MCM9: variants seen among roughly 807,000 people sequenced by gnomAD.
MCM9 encodes the protein DNA helicase MCM9.
MCM9 carries 55 observed loss-of-function variants against 72.8 expected under a neutral mutation model. The ratio of observed to expected loss-of-function variants is 0.76; its 90% confidence interval spans 0.61 to 0.95. MCM9 has a LOEUF of 0.95. Among genes scored for constraint, MCM9 ranks in the 40% least tolerant of loss-of-function variants. The pLI is 0.00. For synonymous variants in MCM9, 480 were observed against 503.4 expected (o/e 0.95, Z 0.62); for missense variants, 1,279 against 1,377.0 (o/e 0.93, Z 1.13).
intron 9 of MCM9, among the ~76,000 whole-genome samples, chr6:118,852,889 A>G (rs1776318472): frequency 6.6e-6 from 1 of 152,194 alleles, no homozygotes; most frequent in Admixed American, 6.5e-5. Context: ...TGGAATAACA[A>G]ACTATATAGC....
intron 6 of MCM9, among the ~76,000 whole-genome samples, chr6:118,914,725 G>A (rs1780805098): frequency 6.6e-6 from 1 of 152,166 alleles, no homozygotes; most frequent in African/African-American, 2.4e-5. Context: ...AGGTTCAAGA[G>A]TAGGCAAATT....
intron 9 of MCM9, among the ~76,000 whole-genome samples, chr6:118,846,418 C>T (rs1007980494): frequency 6.6e-6 from 1 of 151,776 alleles, no homozygotes; most frequent in Non-Finnish European, 1.5e-5. Flanking sequence ...GGGCCTCATG[C>T]TGGAGAACAC....
rs374511067 is a variant in MCM9 at position 118,916,367 on chromosome 6, C to A, written c.904+1194G>T. On this transcript the variant is annotated intron_variant, in intron 6 of 13. Coordinates refer to ENST00000619706, the MANE Select transcript of MCM9 (RefSeq NM_017696.3). ...TGTGCTATACATTTACACACACACA[C>A]AAAAAAAAAAGAAAAAAGAAAAAAT... Among the ~76,000 whole-genome samples the A allele has an allele frequency of 1.9e-3, 253 of 131,426 alleles. 1 individual carries two copies. The highest frequency in any genetic ancestry group is 0.011 in the East Asian group (51 of 4,736). 86.2% of individuals were successfully genotyped at this position (131,426 alleles called of 152,430 possible).
chr6:118,825,719 C>A (rs1174426066), intron 13 of MCM9, among the ~76,000 whole-genome samples: 1 of 152,210 alleles, frequency 6.6e-6, no homozygotes, highest in African/African-American at 2.4e-5. Context: ...TCCACATTCA[C>A]ACTAAGGCAT....
intron 8 of MCM9, among the ~76,000 whole-genome samples, chr6:118,861,121 G>C (rs1171889515): frequency 6.6e-6 from 1 of 152,224 alleles, no homozygotes; most frequent in Admixed American, 6.5e-5. Context: ...AGGCATGCCA[G>C]CTGTGGTGGA....
intron 8 of MCM9, among the ~76,000 whole-genome samples, chr6:118,904,607 G>C (rs891233928): frequency 6.6e-6 from 1 of 152,164 alleles, no homozygotes; most frequent in African/African-American, 2.4e-5. Context: ...TCTTAGTCTA[G>C]TCTAACTCAG....
intron 6 of MCM9, among the ~76,000 whole-genome samples, chr6:118,916,970 G>A (rs932798492): frequency 6.6e-5 from 10 of 152,172 alleles, no homozygotes; most frequent in Non-Finnish European, 1.2e-4. Context: ...ACAGGCACTT[G>A]AAGATTTAAT....
intron 12 of MCM9, 115 bp downstream of exon 12, chr6:118,826,667 C>T: frequency 2.7e-6 from 2 of 731,120 alleles, no homozygotes; most frequent in Non-Finnish European, 4.5e-6. Context: ...CCAGGAATTA[C>T]TAAGTCTAGA....
intron 9 of MCM9, among the ~76,000 whole-genome samples, chr6:118,839,118 G>A (rs543246623): frequency 1.4e-4 from 22 of 151,846 alleles, no homozygotes; most frequent in African/African-American, 2.2e-4. Context: ...GACTTTGTTC[G>A]TTCCTTTTCA....
At chr6:118,873,246 G>A (rs1222876238) in intron 8 of MCM9, among the ~76,000 whole-genome samples, 2 of 139,224 alleles carry the variant, frequency 1.4e-5, no homozygotes, top group East Asian at 4.3e-4. Flanking sequence ...GGAAAGGGAA[G>A]GGGAAAGGGA....
intron 8 of MCM9, among the ~76,000 whole-genome samples, chr6:118,872,969 G>A (rs931144304): frequency 6.6e-6 from 1 of 151,936 alleles, no homozygotes; most frequent in Non-Finnish European, 1.5e-5. Context: ...GGAAGTTAGA[G>A]ACCAGCCTGA....
chr6:118,815,550 C>T lies in MCM9; in HGVS notation c.2706G>A (p.Val902=), dbSNP rs1024977952. 6.5e-7 allele frequency: 1 copy of T among 1,549,884 alleles called. No homozygotes were observed. The highest frequency in any genetic ancestry group is 1.4e-5 in the African/African-American group (1 of 73,010). ...KRKRPKSLAQ[V]EEPAIENVKP... ...TAACATTTTCAATTGCAGGCTCTTC[C>T]ACTTGCGCAAGGGATTTCGGTCTCT... Residue 902 remains valine (V), a synonymous_variant, in exon 14 of 14, where the codon GTG becomes GTA. Coordinates refer to ENST00000619706, the MANE Select transcript of MCM9 (RefSeq NM_017696.3).
intron 8 of MCM9, among the ~76,000 whole-genome samples, chr6:118,867,041 GA>G (rs1034605025): frequency 5.9e-4 from 84 of 141,182 alleles, no homozygotes; most frequent in South Asian, 2.2e-3. Flanking sequence ...ATCCTAAAAG[GA>G]AAAAAAAAAA....
At chr6:118,845,147 C>T (rs1439476509) in intron 9 of MCM9, among the ~76,000 whole-genome samples, 1 of 151,720 alleles carries the variant, frequency 6.6e-6, no homozygotes, top group Non-Finnish European at 1.5e-5. Context: ...AACTCATCTA[C>T]TAAGAACAGC....
chr6:118,857,626 CAAA>C (rs1203197065), intron 8 of MCM9, among the ~76,000 whole-genome samples: 167 of 70,940 alleles, frequency 2.4e-3, no homozygotes, highest in South Asian at 0.017. Context: ...CCAGACTGAC[CAAA>C]AAAAAAAAAA....
intron 9 of MCM9, among the ~76,000 whole-genome samples, chr6:118,837,959 G>T (rs1393542279): frequency 1.3e-5 from 2 of 152,042 alleles, no homozygotes; most frequent in African/African-American, 4.8e-5. Context: ...TAGCATCGAT[G>T]GTCTTTACAA....
chr6:118,839,129 TTC>T (rs1775177484), intron 9 of MCM9, among the ~76,000 whole-genome samples: 1 of 151,994 alleles, frequency 6.6e-6, no homozygotes, highest in Non-Finnish European at 1.5e-5. Flanking sequence ...TTCCTTTTCA[TTC>T]TTTTTTCTCT....
chr6:118,929,467 A>C (rs1380611755), intron 3 of MCM9, among the ~76,000 whole-genome samples: 1 of 152,214 alleles, frequency 6.6e-6, no homozygotes, highest in Admixed American at 6.5e-5. Context: ...GTTCAGTAGT[A>C]ACATAATTTG....
intron 8 of MCM9, among the ~76,000 whole-genome samples, chr6:118,890,682 C>T (rs1778885788): frequency 6.6e-6 from 1 of 152,112 alleles, no homozygotes; most frequent in South Asian, 2.1e-4. Context: ...ACAATTTACT[C>T]CATTTAGAAA....
Sources: allele counts gnomAD v4.1 joint callset (sites outside exome capture counted in the v4.1 genomes callset), GRCh38; gene constraint gnomAD v4.1.1; transcripts MANE v1.5; gene names NCBI Gene and HGNC (gene_info 2026-07-23, HGNC 2026-07-21).